Variants in RABGEF1 observed in about 807,000 individuals in gnomAD.
The protein encoded by RABGEF1 is rab5 GDP/GTP exchange factor.
RABGEF1 carries 26 observed loss-of-function variants against 57.3 expected under a neutral mutation model. That is an observed-to-expected ratio of 0.45 (90% confidence interval 0.33 to 0.63). The LOEUF is 0.63. RABGEF1 is among the 20% of genes least tolerant of loss of function. RABGEF1 has a pLI of 0.02. For synonymous variants in RABGEF1, 185 were observed against 210.7 expected, an observed-to-expected ratio of 0.88 and a Z score of 1.06; for missense variants, 464 against 607.6, an observed-to-expected ratio of 0.76 and a Z score of 2.48.
intron 2 of RABGEF1, among the ~76,000 whole-genome samples, chr7:66,720,868 T>A (rs117901987): frequency 2.0e-5 from 3 of 152,300 alleles, no homozygotes; most frequent in Admixed American, 6.5e-5. Context: ...AATTTCCATA[T>A]GCTAGCTCAA....
intron 1 of RABGEF1, among the ~76,000 whole-genome samples, chr7:66,694,358 G>GT (rs1394309164): frequency 2.0e-5 from 3 of 152,228 alleles, no homozygotes; most frequent in Admixed American, 6.5e-5. Context: ...ACAGGCAGCA[G>GT]TGATGGTCGG....
intron 1 of RABGEF1, among the ~76,000 whole-genome samples, chr7:66,742,083 G>C (rs866517571): frequency 1.3e-5 from 2 of 151,956 alleles, no homozygotes; most frequent in African/African-American, 4.8e-5. Context: ...CCCGGGAGGC[G>C]GAGGTTGCAG....
chr7:66,702,133 T>A (rs74960270), intron 1 of RABGEF1, among the ~76,000 whole-genome samples: 1 of 152,242 alleles, frequency 6.6e-6, no homozygotes, highest in Admixed American at 6.5e-5. Flanking sequence ...TGGATATTCA[T>A]ATTAATAGAA....
intron 1 of RABGEF1, among the ~76,000 whole-genome samples, chr7:66,769,648 A>C (rs946145709): frequency 6.6e-6 from 1 of 152,136 alleles, no homozygotes; most frequent in Non-Finnish European, 1.5e-5. Flanking sequence ...TTTGCAGGAG[A>C]GGATTTATTT....
intron 1 of RABGEF1, among the ~76,000 whole-genome samples, chr7:66,757,589 G>A (rs1228967203): frequency 6.6e-6 from 1 of 152,178 alleles, no homozygotes; most frequent in Admixed American, 6.5e-5. Flanking sequence ...ACCATATACA[G>A]TAACTGCCTC....
At chr7:66,689,797 C>T (rs1230135712) in intron 1 of RABGEF1, among the ~76,000 whole-genome samples, 7 of 147,938 alleles carry the variant, frequency 4.7e-5, no homozygotes, top group African/African-American at 1.2e-4. Flanking sequence ...AGCAAGACTT[C>T]GTCTCAAAAA....
intron 2 of RABGEF1, among the ~76,000 whole-genome samples, chr7:66,713,723 A>G (rs971753935): frequency 7.9e-5 from 12 of 152,188 alleles, no homozygotes; most frequent in African/African-American, 2.7e-4. Context: ...TTTATTTAGC[A>G]TGGATGTTGA....
chr7:66,801,063 C>T lies in RABGEF1; in HGVS notation c.820+1649C>T, dbSNP rs549798976. The stretch of plus-strand genomic sequence containing the variant: ...GAGAACTGCATAAAATTTTGAAAGT[C>T]ATCAAGTCCTCTGCCCTGAGGTCGA... On this transcript the variant is annotated intron_variant, in intron 7 of 8. Coordinates refer to ENST00000284957, the MANE Select transcript of RABGEF1 (RefSeq NM_014504.3). Among the ~76,000 whole-genome samples, 49 of 152,266 alleles carry T rather than the reference C, an allele frequency of 3.2e-4. No individual in the cohort carries two copies. The South Asian group carries it at 7.0e-3, about 22-fold the overall frequency.
chr7:66,735,604 G>T (rs566690852), intron 2 of RABGEF1, among the ~76,000 whole-genome samples: 2 of 152,304 alleles, frequency 1.3e-5, no homozygotes, highest in East Asian at 1.9e-4. Context: ...TGTGGGGGGG[G>T]TTTCCCCTTT....
intron 1 of RABGEF1, among the ~76,000 whole-genome samples, chr7:66,763,392 G>T (rs746977684): frequency 1.4e-4 from 21 of 152,218 alleles, no homozygotes; most frequent in Admixed American, 2.6e-4. Context: ...TCAGCCAGAA[G>T]TCATTCTCAG....
chr7:66,698,043 C>G (rs986446533), intron 1 of RABGEF1, among the ~76,000 whole-genome samples: 1 of 152,052 alleles, frequency 6.6e-6, no homozygotes, highest in Non-Finnish European at 1.5e-5. Context: ...TCAGCAGCCT[C>G]CAGCCACTCC....
At chr7:66,803,792 A>G (rs1584275460) in intron 7 of RABGEF1, among the ~76,000 whole-genome samples, 1 of 151,754 alleles carries the variant, frequency 6.6e-6, no homozygotes, top group East Asian at 1.9e-4. Flanking sequence ...AGGAGGCTGA[A>G]GCAGGAGAAT....
intron 5 of RABGEF1, among the ~76,000 whole-genome samples, chr7:66,796,101 C>T (rs1031968362): frequency 2.6e-5 from 4 of 152,194 alleles, no homozygotes; most frequent in Non-Finnish European, 4.4e-5. Flanking sequence ...TGTGCCACTG[C>T]ACTCCAGCCT....
intron 7 of RABGEF1, among the ~76,000 whole-genome samples, 192 bp from the exon 8 acceptor site, chr7:66,804,948 A>G (rs1788117832): frequency 1.3e-5 from 2 of 152,114 alleles, no homozygotes; most frequent in African/African-American, 4.8e-5. Flanking sequence ...TACACTGTGT[A>G]TTACCTGGCT....
At chr7:66,762,467 A>G (rs1046044219) in intron 1 of RABGEF1, among the ~76,000 whole-genome samples, 8 of 152,100 alleles carry the variant, frequency 5.3e-5, no homozygotes, top group African/African-American at 4.8e-5. Context: ...GCCACATGCT[A>G]TAGTCCCAGC....
chr7:66,658,129 G>A, the RABGEF1 span, among the ~76,000 whole-genome samples: 1 of 152,080 alleles, frequency 6.6e-6, no homozygotes, highest in Non-Finnish European at 1.5e-5. Flanking sequence ...TAAGGTTATC[G>A]TAAGAGAATA....
chr7:66,719,456 G>C (rs2659900), intron 2 of RABGEF1, among the ~76,000 whole-genome samples: 57,723 of 151,998 alleles, frequency 0.38, 11,447 homozygotes, highest in Middle Eastern at 0.56. Context: ...TCGGCCCCCC[G>C]CAGTGTGCTG....
intron 1 of RABGEF1, among the ~76,000 whole-genome samples, chr7:66,683,287 T>TA: frequency 6.6e-6 from 1 of 152,318 alleles, no homozygotes; most frequent in East Asian, 1.9e-4. Context: ...TAACTGCTGT[T>TA]AGTCTGTTCC....
intron 1 of RABGEF1, among the ~76,000 whole-genome samples, chr7:66,706,457 T>C (rs1482764741): frequency 2.0e-5 from 3 of 152,148 alleles, no homozygotes; most frequent in African/African-American, 7.2e-5. Context: ...GTCCCCAGGC[T>C]GGAGTGCAGT....
Sources: gnomAD v4.1 joint callset for allele counts (sites outside exome capture counted in the v4.1 genomes callset) on GRCh38, gnomAD v4.1.1 for gene constraint, MANE v1.5 for transcripts, NCBI Gene and HGNC (gene_info 2026-07-23, HGNC 2026-07-21) for gene names.